Variants in MFSD6 observed in about 807,000 individuals in gnomAD.
MFSD6 encodes major facilitator superfamily domain containing 6.
In MFSD6, 26 loss-of-function variants were observed where a neutral mutation model predicts 56.3. The ratio of observed to expected loss-of-function variants is 0.46; its 90% CI spans 0.34 to 0.64. MFSD6 has a LOEUF of 0.64. Ranked by LOEUF, MFSD6 falls within the 30% of genes least tolerant of loss-of-function variation. The probability of loss-of-function intolerance (pLI) is 0.01; values close to 1 mark genes in which losing one functional copy is unlikely to be tolerated. For synonymous variants in MFSD6, 331 were observed against 366.9 expected (o/e 0.90, Z 1.12); for missense variants, 750 against 986.2 (o/e 0.76, Z 3.21).
rs186718042 is a variant in MFSD6, at chr2:190,438,196, C to T, written c.1532+635C>T. On this transcript the variant is annotated intron_variant, in intron 3 of 7. Coordinates refer to ENST00000392328, the MANE Select transcript of MFSD6 (RefSeq NM_017694.4). The surrounding 1 kb of genome is among the most constrained non-coding windows in gnomAD (Gnocchi z 5.2). ...AATCTTTCTTCCACCTAAAATTTCCCATGTAATTCTTTTAGTTATAAAAAA... is the reference window on the plus strand; with the variant it reads ...AATCTTTCTTCCACCTAAAATTTCCTATGTAATTCTTTTAGTTATAAAAAA... 1.1e-3 allele frequency among the ~76,000 whole-genome samples: 140 copies of T among 130,668 alleles called. No homozygotes were observed. The highest frequency in any genetic ancestry group is 3.9e-3 in the African/African-American group (136 of 34,900). The allele number at this position is 130,668 out of a possible 152,430, so 85.7% of individuals were successfully genotyped here.
Position 190,497,224 on chromosome 2 carries a change from A to G in MFSD6, c.1892-215A>G, listed in dbSNP as rs1432945036. Reference sequence around the variant, plus strand: ...TTCTTAAATATATATGCTAATGTCTATTAAGGCCTATAAAGAGACCCAAAG... The same window carrying G: ...TTCTTAAATATATATGCTAATGTCTGTTAAGGCCTATAAAGAGACCCAAAG... On this transcript the variant is annotated intron_variant, in intron 6 of 7. Transcript: ENST00000392328. This position sits in a 1 kb window ranked among gnomAD's most constrained non-coding sequence, Gnocchi z 5.2. Among the ~76,000 whole-genome samples, 1 of 152,180 alleles carries G rather than the reference A, an allele frequency of 6.6e-6. No individual in the cohort carries two copies. The highest frequency in any genetic ancestry group is 1.5e-5 in the Non-Finnish European group (1 of 68,034).
At chr2:190,479,147 A>C (rs1233574486) in intron 4 of MFSD6, among the ~76,000 whole-genome samples, 1 of 152,184 alleles carries the variant, frequency 6.6e-6, no homozygotes, top group East Asian at 1.9e-4. Flanking sequence ...TATAGGAAGG[A>C]GGCTATTCAA....
chr2:190,422,888 CT>C (rs201835432), intron 2 of MFSD6, among the ~76,000 whole-genome samples: 8 of 151,018 alleles, frequency 5.3e-5, no homozygotes, highest in East Asian at 1.9e-4. Context: ...CTACTTTCAT[CT>C]TTTTTTTTCT....
intron 2 of MFSD6, among the ~76,000 whole-genome samples, chr2:190,432,410 TTTC>T (rs1686036123): frequency 6.6e-6 from 1 of 152,098 alleles, no homozygotes; most frequent in African/African-American, 2.4e-5. Flanking sequence ...AACCTCTGTG[TTTC>T]TTGTTTGTTT....
At chr2:190,455,682 T>C (rs915022365) in intron 3 of MFSD6, among the ~76,000 whole-genome samples, 2 of 151,830 alleles carry the variant, frequency 1.3e-5, no homozygotes, top group African/African-American at 4.8e-5. Context: ...GAGAACATTA[T>C]AGAATTGTTA....
Position 190,447,745 on chromosome 2 carries a change from A to G in MFSD6, c.1532+10184A>G, listed in dbSNP as rs1686635728. ...CATTTCTGGAGGAAAAGCCCCTTGG[A>G]GCTATTTAAAATACAGGTTCTCATT... On this transcript the variant is annotated intron_variant, in intron 3 of 7. Coordinates refer to ENST00000392328, the MANE Select transcript of MFSD6 (RefSeq NM_017694.4). The surrounding 1 kb of genome is among the most constrained non-coding windows in gnomAD (Gnocchi z 4.5). 6.6e-6 allele frequency among the ~76,000 whole-genome samples: 1 copy of G among 152,194 alleles called. No individual in the cohort carries two copies. The highest frequency in any genetic ancestry group is 2.1e-4 in the South Asian group (1 of 4,836).
intron 2 of MFSD6, among the ~76,000 whole-genome samples, chr2:190,420,516 A>G (rs1685571292): frequency 6.6e-6 from 1 of 152,212 alleles, no homozygotes; most frequent in Admixed American, 6.5e-5. Flanking sequence ...GGCTGTAGAC[A>G]TTTAGCCCAT....
chr2:190,451,620 A>G lies in MFSD6; in HGVS notation c.1532+14059A>G, dbSNP rs1664317587. ...TCCTAAGAGTGACTGAGGAGAAGCA[A>G]TTGTTTCAGCTCGGTTAGGCTGGGA... On this transcript the variant is annotated intron_variant, in intron 3 of 7. Coordinates refer to ENST00000392328, the MANE Select transcript of MFSD6 (RefSeq NM_017694.4). This position sits in a 1 kb window ranked among gnomAD's most constrained non-coding sequence, Gnocchi z 5.0. Among the ~76,000 whole-genome samples the G allele has an allele frequency of 6.6e-6, 1 of 152,196 alleles. No homozygotes were observed. The highest frequency in any genetic ancestry group is 6.5e-5 in the Admixed American group (1 of 15,276).
At chr2:190,414,193 G>A (rs1690684634) in intron 1 of MFSD6, among the ~76,000 whole-genome samples, 1 of 152,060 alleles carries the variant, frequency 6.6e-6, no homozygotes, top group Non-Finnish European at 1.5e-5. Context: ...CTAGATGATG[G>A]GTTGGTAGGT....
At position 190,457,989 on chromosome 2, in the gene MFSD6, C is replaced by A. The variant is rs766666467; in HGVS notation, c.1533-11769C>A. Among the ~76,000 whole-genome samples, 10 of 152,170 alleles carry A rather than the reference C, an allele frequency of 6.6e-5. No homozygotes were observed. The highest frequency in any genetic ancestry group is 1.2e-4 in the Non-Finnish European group (8 of 68,030). On this transcript the variant is annotated intron_variant, in intron 3 of 7. Transcript: ENST00000392328. The surrounding 1 kb of genome is among the most constrained non-coding windows in gnomAD (Gnocchi z 5.1). ...GTAAATATGGTCAGATTAGGTTGTA[C>A]AAAATGCGAAGAGTCCTCCTCTAAG...
In MFSD6 at chr2:190,494,768, A is replaced by G. The variant is rs190786789; in HGVS notation, c.1892-2671A>G. On this transcript the variant is annotated intron_variant, in intron 6 of 7. Coordinates refer to ENST00000392328, the MANE Select transcript of MFSD6 (RefSeq NM_017694.4). This position sits in a 1 kb window ranked among gnomAD's most constrained non-coding sequence, Gnocchi z 5.7. ...AAAAATCACATGATCATCTCAGTAG[A>G]CGCAGAAAAAGCATTTGATGAAATC... Among the ~76,000 whole-genome samples the G allele has an allele frequency of 6.6e-6, 1 of 152,322 alleles. No homozygotes were observed. The highest frequency in any genetic ancestry group is 6.5e-5 in the Admixed American group (1 of 15,296).
rs552326062 is a variant in MFSD6, at chr2:190,431,244, C to T, written c.-53-4733C>T. On this transcript the variant is annotated intron_variant, in intron 2 of 7. Coordinates refer to ENST00000392328, the MANE Select transcript of MFSD6 (RefSeq NM_017694.4). The surrounding 1 kb of genome is among the most constrained non-coding windows in gnomAD (Gnocchi z 4.4). ...GACTGGGCAGCCAGGCAGAGGGGCTCCTCACCTCCCAGAGGATGGGCGGCC... is the reference window on the plus strand; with the variant it reads ...GACTGGGCAGCCAGGCAGAGGGGCTTCTCACCTCCCAGAGGATGGGCGGCC... Among the ~76,000 whole-genome samples the T allele has an allele frequency of 8.6e-5, 13 of 151,854 alleles. No individual in the cohort carries two copies. Among genetic ancestry groups the T allele is most frequent in the African/African-American group, 2.9e-4 (12 of 41,416 alleles).
At position 190,491,129 on chromosome 2, in the gene MFSD6, A is replaced by T. The variant is rs1689324582; in HGVS notation, c.1891+1263A>T. Among the ~76,000 whole-genome samples the T allele has an allele frequency of 6.6e-6, 1 of 152,254 alleles. No individual in the cohort carries two copies. Among genetic ancestry groups the T allele is most frequent in the Non-Finnish European group, 1.5e-5 (1 of 68,042 alleles). On this transcript the variant is annotated intron_variant, in intron 6 of 7. Coordinates refer to ENST00000392328, the MANE Select transcript of MFSD6 (RefSeq NM_017694.4). This position sits in a 1 kb window ranked among gnomAD's most constrained non-coding sequence, Gnocchi z 4.2. Reference sequence around the variant, plus strand: ...AAAAAAATTTAAAATCATTAATTAAACATTCAATGTAAGAAACATAAAAAT... The same window carrying T: ...AAAAAAATTTAAAATCATTAATTAATCATTCAATGTAAGAAACATAAAAAT...
intron 1 of MFSD6, chr2:190,411,937 G>A (rs1371107509): frequency 2.0e-6 from 2 of 985,194 alleles, no homozygotes; most frequent in African/African-American, 3.5e-5. Context: ...TGATTGTTCT[G>A]TACAGAACAA....
intron 2 of MFSD6, among the ~76,000 whole-genome samples, chr2:190,422,630 A>G (rs1431737516): frequency 6.6e-6 from 1 of 152,142 alleles, no homozygotes; most frequent in African/African-American, 2.4e-5. Context: ...AAAGTTTGTA[A>G]GGTAATTCGT....
intron 4 of MFSD6, among the ~76,000 whole-genome samples, chr2:190,480,338 CTTG>C (rs1306065310): frequency 6.6e-6 from 1 of 152,126 alleles, no homozygotes; most frequent in East Asian, 1.9e-4. Context: ...ACTATTAATG[CTTG>C]TTGTTTAATT....
chr2:190,456,768 C>G lies in MFSD6; in HGVS notation c.1533-12990C>G, dbSNP rs1687060685. ...TGGAAACCTTGGCTCACCCCTCGTC[C>G]TGCCTCAGCATCGATACCTGCAGTT... is the stretch of plus-strand genomic sequence containing the variant. On this transcript the variant is annotated intron_variant, in intron 3 of 7. Coordinates refer to ENST00000392328, the MANE Select transcript of MFSD6 (RefSeq NM_017694.4). This position sits in a 1 kb window ranked among gnomAD's most constrained non-coding sequence, Gnocchi z 5.4. Among the ~76,000 whole-genome samples the G allele has an allele frequency of 6.6e-6, 1 of 152,264 alleles. No individual in the cohort carries two copies. Among genetic ancestry groups the G allele is most frequent in the African/African-American group, 2.4e-5 (1 of 41,478 alleles).
rs901655180 is a variant in MFSD6, at chr2:190,412,195, T to G, written c.-175-3097T>G. 12 of 984,858 alleles carry G rather than the reference T, an allele frequency of 1.2e-5. No individual in the cohort carries two copies. The highest frequency in any genetic ancestry group is 6.2e-5 in the Admixed American group (1 of 16,260). The allele number at this position is 984,858 out of a possible 1,614,324, so 61.0% of individuals were successfully genotyped here. A position where few individuals can be genotyped will look rare whatever the true frequency, so the allele number is the denominator to read the frequency against. ...CTTAAAAATTAATACATTTCCAGACTTAGAAATCCAGAGCCATAATACATT... is the reference window on the plus strand; with the variant it reads ...CTTAAAAATTAATACATTTCCAGACGTAGAAATCCAGAGCCATAATACATT... On this transcript the variant is annotated intron_variant, in intron 1 of 7. Transcript: ENST00000392328. This position sits in a 1 kb window ranked among gnomAD's most constrained non-coding sequence, Gnocchi z 4.1.
chr2:190,500,600 ATTAT>A lies in MFSD6; in HGVS notation c.*388_*391del, dbSNP rs1689980397. 5.6e-6 allele frequency: 1 copy of A among 179,898 alleles called. No homozygotes were observed. Among genetic ancestry groups the A allele is most frequent in the Non-Finnish European group, 1.2e-5 (1 of 84,464 alleles). The allele number at this position is 179,898 out of a possible 1,614,324, so 11.1% of individuals were successfully genotyped here. ...ATGTGGATATAATTTCCCTCTTCTG[ATTAT>A]TTATTCTTATTTGGTTCCTAACACA... On this transcript the variant is annotated 3_prime_UTR_variant, in exon 8 of 8. Transcript: ENST00000392328. This position sits in a 1 kb window ranked among gnomAD's most constrained non-coding sequence, Gnocchi z 5.3.
Sources: gnomAD v4.1 joint callset for allele counts (sites outside exome capture counted in the v4.1 genomes callset) on GRCh38, gnomAD v4.1.1 for gene constraint, Gnocchi (gnomAD v3.1) non-coding constraint, MANE v1.5 for transcripts, NCBI Gene and HGNC (gene_info 2026-07-23, HGNC 2026-07-21) for gene names.